Variants in LRP6 observed in about 807,000 individuals in gnomAD.
LRP6 encodes LDL receptor related protein 6.
A neutral mutation model predicts 184.1 loss-of-function variants in LRP6; 43 were observed. The observed-to-expected ratio is 0.23, with a 90% confidence interval of 0.18 to 0.30. LRP6 has a LOEUF of 0.30. Ranked by LOEUF, LRP6 falls within the 10% of genes least tolerant of loss-of-function variation. LRP6 has a pLI of 1.00. For missense variants in LRP6, 1,571 were observed against 2,005.3 expected (o/e 0.78, Z 4.14); for synonymous variants, 719 against 684.9 (o/e 1.05, Z -0.78).
At chr12:12,178,153 G>A (rs972919617) in intron 7 of LRP6, among the ~76,000 whole-genome samples, 3 of 152,050 alleles carry the variant, frequency 2.0e-5, no homozygotes, top group African/African-American at 4.8e-5. Context: ...GTTATATATT[G>A]TTATATAAAG....
intron 2 of LRP6, among the ~76,000 whole-genome samples, chr12:12,221,083 T>C (rs192187525): frequency 1.4e-4 from 22 of 152,344 alleles, no homozygotes; most frequent in Non-Finnish European, 7.3e-5. Flanking sequence ...TAAGAACCAA[T>C]GTCAATATTC....
In LRP6 at chr12:12,231,429, G is replaced by A. The variant is rs558258826; in HGVS notation, c.449+12833C>T. ...AGGAAGCCTTTTTTGTCTTGCCCTA[G>A]GCTCTGAAAAGGTAGGAAAGATCAC... On this transcript the variant is annotated intron_variant, in intron 2 of 22. Transcript: ENST00000261349. Among the ~76,000 whole-genome samples, 24 of 152,070 alleles carry A rather than the reference G, an allele frequency of 1.6e-4. 1 individual carries two copies. The highest frequency in any genetic ancestry group is 5.8e-4 in the African/African-American group (24 of 41,486).
At chr12:12,125,154 G>T (rs1439090518) in intron 21 of LRP6, 142 bp downstream of exon 21, 2 of 840,316 alleles carry the variant, frequency 2.4e-6, no homozygotes, top group Non-Finnish European at 3.9e-6. Flanking sequence ...GTGGTGTGTG[G>T]TAAGTCCTTT....
intron 2 of LRP6, among the ~76,000 whole-genome samples, chr12:12,241,083 TC>T (rs966524938): frequency 5.3e-5 from 8 of 152,162 alleles, no homozygotes; most frequent in African/African-American, 1.7e-4. Context: ...CACAAAGAAC[TC>T]CATACATCCG....
intron 1 of LRP6, among the ~76,000 whole-genome samples, chr12:12,261,353 A>C (rs1382479373): frequency 6.6e-6 from 1 of 151,468 alleles, no homozygotes; most frequent in African/African-American, 2.4e-5. Context: ...TAGTGAGCTG[A>C]GATCACGCCG....
rs3053796 is a variant in LRP6, at chr12:12,249,671, A to AGAAGGAAGGAAG, written c.56-5028_56-5017dup. Among the ~76,000 whole-genome samples, 821 of 141,524 alleles carry AGAAGGAAGGAAG rather than the reference A, an allele frequency of 5.8e-3. 8 individuals are homozygous for AGAAGGAAGGAAG. Among genetic ancestry groups the AGAAGGAAGGAAG allele is most frequent in the African/African-American group, 0.017 (634 of 36,356 alleles). 92.8% of individuals were successfully genotyped at this position (141,524 alleles called of 152,430 possible). ...TGAAATATATAAGTTGTGCTATAAC[A>AGAAGGAAGGAAG]GAAGGAAGGAAGGAAGGAAGGAAGG... On this transcript the variant is annotated intron_variant, in intron 1 of 22. Transcript: ENST00000261349.
Position 12,202,884 on chromosome 12 carries a change from T to C in LRP6, c.647+319A>G, listed in dbSNP as rs77397468. 6.0e-3 allele frequency among the ~76,000 whole-genome samples: 919 copies of C among 152,256 alleles called. 33 individuals are homozygous for C. In the South Asian group the frequency reaches 0.091, roughly 15 times the overall value. On this transcript the variant is annotated intron_variant, in intron 3 of 22. Coordinates refer to ENST00000261349, the MANE Select transcript of LRP6 (RefSeq NM_002336.3). Reference sequence around the variant, plus strand: ...AAAATACTAGTAGCACTCCCAGTCCTTGGGTTAAACAAAATTCTCTACACA... The same window carrying C: ...AAAATACTAGTAGCACTCCCAGTCCCTGGGTTAAACAAAATTCTCTACACA...
At chr12:12,166,805 T>C (rs1288033414) in intron 7 of LRP6, among the ~76,000 whole-genome samples, 1 of 152,226 alleles carries the variant, frequency 6.6e-6, no homozygotes, top group African/African-American at 2.4e-5. Flanking sequence ...AAGTATGAAT[T>C]AGGAAAATGA....
intron 3 of LRP6, among the ~76,000 whole-genome samples, chr12:12,202,237 T>C (rs564189653): frequency 2.4e-4 from 36 of 152,370 alleles, no homozygotes; most frequent in Non-Finnish European, 4.6e-4. Flanking sequence ...CACAGGCTCA[T>C]TCTGCTTTAC....
At chr12:12,134,931 T>C (rs992389096) in intron 17 of LRP6, among the ~76,000 whole-genome samples, 16 of 152,232 alleles carry the variant, frequency 1.1e-4, no homozygotes, top group African/African-American at 3.4e-4. Flanking sequence ...ACACAAATAC[T>C]ACATGATCTC....
intron 2 of LRP6, 90 bp from the exon 3 acceptor site, chr12:12,203,490 C>T (rs763389750): frequency 1.0e-5 from 11 of 1,050,210 alleles, no homozygotes; most frequent in East Asian, 2.5e-5. Flanking sequence ...GCTCAGGCCG[C>T]GCGCAGTGGC....
chr12:12,126,315 TG>T (rs1949670449), intron 20 of LRP6, among the ~76,000 whole-genome samples: 1 of 152,210 alleles, frequency 6.6e-6, no homozygotes, highest in Non-Finnish European at 1.5e-5. Flanking sequence ...ATATAATTTT[TG>T]GCCTCCTTTT....
intron 22 of LRP6, among the ~76,000 whole-genome samples, chr12:12,122,047 A>AT (rs1405575569): frequency 2.0e-5 from 3 of 152,210 alleles, no homozygotes; most frequent in Non-Finnish European, 1.5e-5. Flanking sequence ...AGTACCTCTC[A>AT]TAAGAGCAGC....
rs573039181 is a variant in LRP6 at position 12,232,429 on chromosome 12, T to G, written c.449+11833A>C. Among the ~76,000 whole-genome samples the G allele has an allele frequency of 3.3e-5, 5 of 151,396 alleles. No homozygotes were observed. In the South Asian group the frequency reaches 1.0e-3, roughly 32 times the overall value. On this transcript the variant is annotated intron_variant, in intron 2 of 22. Transcript: ENST00000261349. ...AAGTGGTCACTGGAAACACTTCCAG[T>G]GAACTTGGCAAAAGCAACCCAAAAT...
chr12:12,265,697 C>T (rs967023030), intron 1 of LRP6, among the ~76,000 whole-genome samples: 4 of 152,192 alleles, frequency 2.6e-5, no homozygotes, highest in African/African-American at 9.6e-5. Context: ...GCTCCACAGC[C>T]ATCACAGCCA....
chr12:12,261,387 A>C (rs1211603569), intron 1 of LRP6, among the ~76,000 whole-genome samples: 1 of 150,444 alleles, frequency 6.6e-6, no homozygotes, highest in Non-Finnish European at 1.5e-5. Context: ...TGGGCGACAG[A>C]GCAAGACTCC....
intron 17 of LRP6, among the ~76,000 whole-genome samples, chr12:12,134,437 G>A (rs1284317689): frequency 3.0e-4 from 46 of 152,194 alleles, no homozygotes; most frequent in Non-Finnish European, 7.4e-5. Flanking sequence ...TGAATTAAGG[G>A]TATGAATACT....
rs74410952 is a variant in LRP6 at position 12,246,480 on chromosome 12, C to T, written c.56-1825G>A. Among the ~76,000 whole-genome samples, 851 of 151,608 alleles carry T rather than the reference C, an allele frequency of 5.6e-3. 4 individuals carry two copies. The highest frequency in any genetic ancestry group is 0.012 in the African/African-American group (492 of 41,378). The stretch of plus-strand genomic sequence containing the variant: ...GTAATCCCAGCACTTTGGTTAAGCC[C>T]GGGAGTTCAAGACCAGCCTTGGCAA... On this transcript the variant is annotated intron_variant, in intron 1 of 22. Coordinates refer to ENST00000261349, the MANE Select transcript of LRP6 (RefSeq NM_002336.3).
intron 2 of LRP6, among the ~76,000 whole-genome samples, chr12:12,233,713 A>G (rs1864851515): frequency 1.3e-5 from 2 of 152,266 alleles, no homozygotes; most frequent in South Asian, 4.1e-4. Flanking sequence ...AGACTAATTT[A>G]TAACATTAAA....
Sources: allele counts gnomAD v4.1 joint callset (sites outside exome capture counted in the v4.1 genomes callset), GRCh38; gene constraint gnomAD v4.1.1; transcripts MANE v1.5; gene names NCBI Gene and HGNC (gene_info 2026-07-23, HGNC 2026-07-21).